EML4: variants seen among roughly 807,000 people sequenced by gnomAD.
EML4 encodes the protein EMAP like 4.
Under a neutral mutation model 129.0 loss-of-function variants are expected in EML4, and 72 were observed. The ratio of observed to expected loss-of-function variants is 0.56; its 90% CI spans 0.46 to 0.68. EML4 has a LOEUF of 0.68. EML4 is among the 30% of genes least tolerant of loss of function. EML4 has a pLI of 0.00. For synonymous variants in EML4, 532 were observed against 405.0 expected (o/e 1.31, Z -3.77); for missense variants, 1,363 against 1,190.6 (o/e 1.14, Z -2.13).
intron 6 of EML4, among the ~76,000 whole-genome samples, chr2:42,277,814 G>T (rs922666536): frequency 2.6e-5 from 4 of 152,260 alleles, no homozygotes; most frequent in Admixed American, 2.6e-4. Flanking sequence ...TGATCTGTCT[G>T]CCTCGGCCTC....
chr2:42,272,712 A>G (rs1350279938), intron 6 of EML4, among the ~76,000 whole-genome samples: 4 of 152,348 alleles, frequency 2.6e-5, no homozygotes, highest in East Asian at 1.9e-4. Flanking sequence ...TATAGCAAAA[A>G]TACACGTAAT....
At chr2:42,267,202 CAT>C (rs1201846619) in intron 6 of EML4, among the ~76,000 whole-genome samples, 1 of 152,140 alleles carries the variant, frequency 6.6e-6, no homozygotes, top group Admixed American at 6.5e-5. Context: ...CAGTACCTGA[CAT>C]ATAATACCAG....
intron 8 of EML4, 32 bp from the exon 9 acceptor site, chr2:42,284,602 T>C: frequency 6.6e-7 from 1 of 1,516,556 alleles, no homozygotes; most frequent in Non-Finnish European, 9.1e-7. Flanking sequence ...ATGTTTCCTG[T>C]GTTTAAAATC....
intron 1 of EML4, among the ~76,000 whole-genome samples, chr2:42,191,428 C>G (rs932808031): frequency 1.1e-4 from 17 of 152,268 alleles, no homozygotes; most frequent in East Asian, 3.9e-4. Flanking sequence ...TAAGGCAGGA[C>G]TTTGGTCCTG....
chr2:42,244,502 A>T (rs1390998366), intron 1 of EML4, among the ~76,000 whole-genome samples: 1 of 152,240 alleles, frequency 6.6e-6, no homozygotes, highest in African/African-American at 2.4e-5. Flanking sequence ...GCTGTGGTAT[A>T]GCTAAGCCTT....
At chr2:42,292,561 A>G (rs951065069) in intron 11 of EML4, among the ~76,000 whole-genome samples, 1 of 152,230 alleles carries the variant, frequency 6.6e-6, no homozygotes, top group Non-Finnish European at 1.5e-5. Flanking sequence ...TGAAACGGAG[A>G]AAAATAATCT....
At chr2:42,181,707 G>T (rs1670955542) in intron 1 of EML4, among the ~76,000 whole-genome samples, 1 of 151,954 alleles carries the variant, frequency 6.6e-6, no homozygotes, top group African/African-American at 2.4e-5. Context: ...TTGTTCTTTT[G>T]CCACGTTCTC....
At chr2:42,260,031 A>ATT (rs879504691) in intron 3 of EML4, among the ~76,000 whole-genome samples, 2 of 139,114 alleles carry the variant, frequency 1.4e-5, no homozygotes, top group Non-Finnish European at 3.2e-5. Context: ...TGCCTGGCCA[A>ATT]TTTTTTTTTT....
intron 11 of EML4, 118 bp from the exon 12 acceptor site, chr2:42,295,007 G>A: frequency 1.1e-6 from 1 of 895,432 alleles, no homozygotes; most frequent in Non-Finnish European, 1.6e-6. Flanking sequence ...TGTCTTAGAA[G>A]AAGAGGCATT....
In EML4 at chr2:42,325,571, T is replaced by TTTTA. The variant is rs1553397013; in HGVS notation, c.2242+18_2242+19insTTAT. The TTTTA allele has an allele frequency of 6.5e-5, 32 of 488,568 alleles. No individual in the cohort carries two copies. The highest frequency in any genetic ancestry group is 1.0e-4 in the Non-Finnish European group (29 of 285,330). The allele number at this position is 488,568 out of a possible 1,614,324, so 30.3% of individuals were successfully genotyped here. On this transcript the variant is annotated intron_variant, in intron 20 of 22. Coordinates refer to ENST00000318522, the MANE Select transcript of EML4 (RefSeq NM_019063.5). ...TATTGTACTGTAAGTATGAATGATT[T>TTTTA]TATATATATATATATATGCTATGAT...
In EML4 at chr2:42,311,500, A is replaced by G. The variant is rs1668947913; in HGVS notation, c.1968-4462A>G. On this transcript the variant is annotated intron_variant, in intron 17 of 22. Transcript: ENST00000318522. ...AGCCTGGGAGGTTGAGGCTGCAGTA[A>G]ACTGCACTCCAGCCTGGGCAACAGA... 2.0e-5 allele frequency among the ~76,000 whole-genome samples: 3 copies of G among 152,220 alleles called. No individual in the cohort carries two copies. The South Asian group carries it at 6.2e-4, about 32-fold the overall frequency.
chr2:42,208,589 G>A (rs1165144072), intron 1 of EML4, among the ~76,000 whole-genome samples: 5 of 151,178 alleles, frequency 3.3e-5, no homozygotes, highest in East Asian at 1.9e-4. Flanking sequence ...ACCTGCCACC[G>A]CACCCGGCTA....
intron 6 of EML4, among the ~76,000 whole-genome samples, chr2:42,277,086 C>A (rs1055928377): frequency 6.6e-6 from 1 of 152,052 alleles, no homozygotes; most frequent in East Asian, 1.9e-4. Flanking sequence ...CACTAACCCT[C>A]CCCCTTTGCT....
chr2:42,295,115 C>G lies in EML4; in HGVS notation c.1219-10C>G. ...TACATTCATCTAAAGCTTTATTTCC[C>G]TTTTCATAGACAACAAATGAAGTTG... On this transcript the variant is annotated splice_polypyrimidine_tract_variant and intron_variant, in intron 11 of 22. Coordinates refer to ENST00000318522, the MANE Select transcript of EML4 (RefSeq NM_019063.5). The G allele has an allele frequency of 6.2e-7, 1 of 1,600,672 alleles. No individual in the cohort carries two copies. The highest frequency in any genetic ancestry group is 2.2e-5 in the East Asian group (1 of 44,722).
At chr2:42,184,114 A>T (rs560532926) in intron 1 of EML4, among the ~76,000 whole-genome samples, 12 of 152,364 alleles carry the variant, frequency 7.9e-5, no homozygotes, top group African/African-American at 2.6e-4. Flanking sequence ...TGTCACAGCA[A>T]CAAAGAAAGA....
In EML4 at chr2:42,229,744, A is replaced by G. The variant is rs183982727; in HGVS notation, c.26-15761A>G. On this transcript the variant is annotated intron_variant, in intron 1 of 22. Coordinates refer to ENST00000318522, the MANE Select transcript of EML4 (RefSeq NM_019063.5). The stretch of plus-strand genomic sequence containing the variant: ...AGGAAAACTCTAGCAAAATAAATCT[A>G]GAGTCTTGGTTGAGGCCCACTAATG... 1.4e-4 allele frequency among the ~76,000 whole-genome samples: 22 copies of G among 152,232 alleles called. No homozygotes were observed. The South Asian group carries it at 1.7e-3, about 11-fold the overall frequency.
intron 1 of EML4, among the ~76,000 whole-genome samples, chr2:42,190,484 A>G (rs1671522380): frequency 6.6e-6 from 1 of 152,216 alleles, no homozygotes; most frequent in African/African-American, 2.4e-5. Context: ...TTTCAGCTTG[A>G]TCAACTTGGT....
chr2:42,203,090 A>G (rs1558498476), intron 1 of EML4, among the ~76,000 whole-genome samples: 1 of 152,226 alleles, frequency 6.6e-6, no homozygotes, highest in East Asian at 1.9e-4. Flanking sequence ...AGTGGATTTT[A>G]AATGTTCTCA....
intron 1 of EML4, among the ~76,000 whole-genome samples, chr2:42,197,460 C>G (rs114641665): frequency 0.03 from 4,607 of 151,830 alleles, 82 homozygotes; most frequent in Middle Eastern, 0.099. Context: ...CATCTATTGG[C>G]AGGAGGTGAT....
Sources: gnomAD v4.1 joint callset for allele counts (sites outside exome capture counted in the v4.1 genomes callset) on GRCh38, gnomAD v4.1.1 for gene constraint, MANE v1.5 for transcripts, NCBI Gene and HGNC (gene_info 2026-07-23, HGNC 2026-07-21) for gene names.